NCKAP5: variants seen among roughly 807,000 people sequenced by gnomAD.
NCKAP5 encodes NCK associated protein 5, also known as nck-associated protein 5.
In NCKAP5, 92 loss-of-function variants were observed where a neutral mutation model predicts 167.0. That is an observed-to-expected ratio of 0.55 (90% CI 0.47 to 0.66). NCKAP5 has a LOEUF of 0.66. NCKAP5 is among the 30% of genes least tolerant of loss of function. The pLI is 0.00. For synonymous variants in NCKAP5, 891 were observed against 877.4 expected (o/e 1.02, Z -0.27); for missense variants, 2,378 against 2,315.0 (o/e 1.03, Z -0.56).
At chr2:133,629,738 T>A in the NCKAP5 span, among the ~76,000 whole-genome samples, 1 of 152,038 alleles carries the variant, frequency 6.6e-6, no homozygotes, top group African/African-American at 2.4e-5. Context: ...CCAATGCCCA[T>A]AAATGATAGA....
the NCKAP5 span, among the ~76,000 whole-genome samples, chr2:133,646,022 AAAT>A: frequency 2.0e-5 from 3 of 151,826 alleles, no homozygotes; most frequent in Middle Eastern, 3.2e-3. Context: ...AATTATATCT[AAAT>A]AATAATGATT....
the NCKAP5 span, among the ~76,000 whole-genome samples, chr2:133,625,958 T>G: frequency 6.6e-6 from 1 of 151,970 alleles, no homozygotes; most frequent in Admixed American, 6.5e-5. Context: ...ACACTAAAAA[T>G]TTTTTTAAAC....
intron 3 of NCKAP5, among the ~76,000 whole-genome samples, chr2:133,409,860 A>G (rs1192204903): frequency 6.6e-6 from 1 of 152,226 alleles, no homozygotes; most frequent in East Asian, 1.9e-4. Context: ...TATTGACTAT[A>G]TAAGAATAGA....
At chr2:133,459,920 T>C (rs1692097550) in intron 3 of NCKAP5, among the ~76,000 whole-genome samples, 1 of 152,216 alleles carries the variant, frequency 6.6e-6, no homozygotes, top group South Asian at 2.1e-4. Context: ...AAATATCAAG[T>C]TCAGTGTTAT....
At chr2:133,240,799 T>G (rs887344829) in intron 4 of NCKAP5, among the ~76,000 whole-genome samples, 6 of 152,212 alleles carry the variant, frequency 3.9e-5, no homozygotes, top group Non-Finnish European at 5.9e-5. Context: ...AAGCAAGTCC[T>G]AATAATGTGA....
At chr2:132,806,987 A>G (rs1410512274) in intron 11 of NCKAP5, among the ~76,000 whole-genome samples, 1 of 152,150 alleles carries the variant, frequency 6.6e-6, no homozygotes, top group African/African-American at 2.4e-5. Context: ...CTAGCCAATT[A>G]TCCTAGCACC....
chr2:133,207,381 ATTATTAC>A (rs1414765267), intron 5 of NCKAP5, among the ~76,000 whole-genome samples: 1 of 152,058 alleles, frequency 6.6e-6, no homozygotes, highest in African/African-American at 2.4e-5. Context: ...CCTTTAATCT[ATTATTAC>A]TGTCAATTAT....
At chr2:133,249,454 T>C (rs551773729) in intron 4 of NCKAP5, among the ~76,000 whole-genome samples, 11 of 152,320 alleles carry the variant, frequency 7.2e-5, no homozygotes, top group African/African-American at 2.4e-4. Context: ...ATTTTAGCAC[T>C]TTTGACCCCC....
At chr2:132,777,816 G>T (rs2104989957) in intron 15 of NCKAP5, among the ~76,000 whole-genome samples, 1 of 151,992 alleles carries the variant, frequency 6.6e-6, no homozygotes, top group Non-Finnish European at 1.5e-5. Context: ...CCATTTTAAT[G>T]GGATAGTATT....
intron 4 of NCKAP5, chr2:133,268,485 T>G (rs1327401595): frequency 6.7e-6 from 1 of 148,246 alleles, no homozygotes; most frequent in Non-Finnish European, 1.5e-5. Context: ...CAGCCTTTTT[T>G]TTTTTTTTTT....
intron 1 of NCKAP5, among the ~76,000 whole-genome samples, chr2:133,565,827 CA>C (rs1688508083): frequency 6.6e-6 from 1 of 152,194 alleles, no homozygotes; most frequent in East Asian, 1.9e-4. Flanking sequence ...TGGGTGTTTG[CA>C]ACAGGAAAAT....
intron 3 of NCKAP5, among the ~76,000 whole-genome samples, chr2:133,508,330 G>A (rs1683200451): frequency 6.6e-6 from 1 of 152,104 alleles, no homozygotes; most frequent in Admixed American, 6.6e-5. Context: ...CTCCTCCTTG[G>A]GGAAGCCCTC....
intron 3 of NCKAP5, among the ~76,000 whole-genome samples, chr2:133,473,964 T>G (rs1679589146): frequency 6.6e-6 from 1 of 152,142 alleles, no homozygotes; most frequent in Admixed American, 6.6e-5. Context: ...CACAAATGGG[T>G]ACATATCCAA....
the NCKAP5 span, among the ~76,000 whole-genome samples, chr2:133,631,229 C>A: frequency 6.6e-6 from 1 of 152,140 alleles, no homozygotes; most frequent in Non-Finnish European, 1.5e-5. Context: ...GGAGATTGAC[C>A]TGAAGACTTA....
chr2:133,071,007 G>C (rs1464599640), intron 6 of NCKAP5, among the ~76,000 whole-genome samples: 1 of 152,064 alleles, frequency 6.6e-6, no homozygotes, highest in East Asian at 1.9e-4. Flanking sequence ...TATAATTCTA[G>C]AAGAGTCAAT....
intron 16 of NCKAP5, among the ~76,000 whole-genome samples, chr2:132,752,323 C>A (rs892034668): frequency 5.9e-5 from 9 of 152,242 alleles, no homozygotes; most frequent in Non-Finnish European, 1.3e-4. Flanking sequence ...TGAGGAAGTT[C>A]ACATCTTACA....
Position 132,988,298 on chromosome 2 carries a change from C to T in NCKAP5, c.429+5854G>A, listed in dbSNP as rs920933371. ...GCCAACACGGTAAAACCTGTCTCTA[C>T]TTAAATATAAAAAATTAACCAAGCG... On this transcript the variant is annotated intron_variant, in intron 7 of 19. Transcript: ENST00000409261. 4.6e-5 allele frequency among the ~76,000 whole-genome samples: 7 copies of T among 152,024 alleles called. No homozygotes were observed. In the South Asian group the frequency reaches 1.5e-3, roughly 32 times the overall value.
the NCKAP5 span, among the ~76,000 whole-genome samples, chr2:133,647,492 G>GAAAGGAAAGT: frequency 1.7e-5 from 2 of 116,508 alleles, no homozygotes; most frequent in African/African-American, 6.8e-5. Flanking sequence ...GAAAGGAAAG[G>GAAAGGAAAGT]AAAGGAAAGG....
chr2:133,612,489 C>T, the NCKAP5 span, among the ~76,000 whole-genome samples: 31 of 152,314 alleles, frequency 2.0e-4, no homozygotes, highest in African/African-American at 7.5e-4. Context: ...TATAATCAAT[C>T]AATCCGTTTG....
Sources: gnomAD v4.1 joint callset for allele counts (sites outside exome capture counted in the v4.1 genomes callset) on GRCh38, gnomAD v4.1.1 for gene constraint, MANE v1.5 for transcripts, NCBI Gene and HGNC (gene_info 2026-07-23, HGNC 2026-07-21) for gene names.